RYR2: variants seen among roughly 807,000 people sequenced by gnomAD.
RYR2 encodes ryanodine receptor 2, also known as cardiac muscle ryanodine receptor-calcium release channel.
RYR2 carries 227 observed loss-of-function variants against 601.1 expected under a neutral mutation model. The ratio of observed to expected loss-of-function variants is 0.38; its 90% confidence interval spans 0.34 to 0.42. The LOEUF (loss-of-function observed/expected upper bound fraction) is 0.42. Ranked by LOEUF, RYR2 falls within the 10% of genes least tolerant of loss-of-function variation. The probability of loss-of-function intolerance (pLI) is 1.00; values close to 1 mark genes in which losing one functional copy is unlikely to be tolerated. For synonymous variants in RYR2, 2,223 were observed against 2,175.1 expected, an observed-to-expected ratio of 1.02 and a Z score of -0.61; for missense variants, 4,646 against 6,156.5, an observed-to-expected ratio of 0.75 and a Z score of 8.21.
rs2779431 is a variant in RYR2, at chr1:237,592,048, T to C, written c.4275+195T>C. ...TGATGGATATTATGCAATACAAGAG[T>C]TATTTTAGAAAAAATATTTGTAATG... On this transcript the variant is annotated intron_variant, in intron 32 of 104. Transcript: ENST00000366574. Among the ~76,000 whole-genome samples, 146,410 of 152,268 alleles carry C rather than the reference T, an allele frequency of 0.96. 70,642 individuals are homozygous for C. The highest frequency in any genetic ancestry group is 1 in the East Asian group (5,186 of 5,186).
At chr1:237,711,881 G>A in intron 71 of RYR2, 44 bp downstream of exon 71, 2 of 898,050 alleles carry the variant, frequency 2.2e-6, no homozygotes, top group East Asian at 2.5e-5. Flanking sequence ...ATATCTGAAT[G>A]TGACTTTCAT....
chr1:237,618,163 T>G (rs1018778922), intron 38 of RYR2, among the ~76,000 whole-genome samples: 1 of 152,182 alleles, frequency 6.6e-6, no homozygotes, highest in Non-Finnish European at 1.5e-5. Flanking sequence ...AGAATGAAAG[T>G]GTTTATAGGG....
chr1:237,498,736 C>T lies in RYR2; in HGVS notation c.2204-1975C>T, dbSNP rs1664331255. Among the ~76,000 whole-genome samples the T allele has an allele frequency of 2.0e-5, 3 of 152,016 alleles. No homozygotes were observed. The South Asian group carries it at 6.2e-4, about 31-fold the overall frequency. On this transcript the variant is annotated intron_variant, in intron 20 of 104. Coordinates refer to ENST00000366574, the MANE Select transcript of RYR2 (RefSeq NM_001035.3). ...TGGAATTGAATTGTATGCGTTATAC[C>T]TTTTATTACAAAGTATCTGTTCAGT...
intron 43 of RYR2, among the ~76,000 whole-genome samples, chr1:237,634,485 G>A (rs908608249): frequency 1.3e-5 from 2 of 152,068 alleles, no homozygotes; most frequent in Admixed American, 6.6e-5. Context: ...AGATGTTCAA[G>A]GATACAAAAT....
chr1:237,493,183 T>TATA, intron 19 of RYR2, 96 bp downstream of exon 19: 1 of 1,318,442 alleles, frequency 7.6e-7, no homozygotes, highest in South Asian at 1.3e-5. Context: ...GTTTTTTAAA[T>TATA]TAGACCATAT....
chr1:237,332,777 A>G (rs1039709642), intron 3 of RYR2, among the ~76,000 whole-genome samples: 2 of 152,204 alleles, frequency 1.3e-5, no homozygotes, highest in African/African-American at 4.8e-5. Flanking sequence ...TATCTTCTTC[A>G]AATCATGAGG....
chr1:237,805,879 A>T (rs1359147074), intron 98 of RYR2, among the ~76,000 whole-genome samples: 2 of 152,132 alleles, frequency 1.3e-5, no homozygotes, highest in Non-Finnish European at 2.9e-5. Context: ...GAACCCCAGA[A>T]CTTATTTTTT....
chr1:237,584,022 C>T (rs1388169532), intron 29 of RYR2, among the ~76,000 whole-genome samples: 2 of 152,228 alleles, frequency 1.3e-5, no homozygotes, highest in Non-Finnish European at 2.9e-5. Flanking sequence ...TGATTGGGCT[C>T]ATATGCACTA....
chr1:237,617,563 A>T, intron 38 of RYR2, 77 bp downstream of exon 38: 1 of 1,334,942 alleles, frequency 7.5e-7, no homozygotes, highest in Non-Finnish European at 1.1e-6. Flanking sequence ...GCAAAATTAT[A>T]TAACTCACAC....
At chr1:237,295,554 G>A (rs1195317950) in intron 2 of RYR2, among the ~76,000 whole-genome samples, 4 of 152,052 alleles carry the variant, frequency 2.6e-5, no homozygotes, top group South Asian at 2.1e-4. Flanking sequence ...CTTAATCACC[G>A]AAAATACAAC....
intron 5 of RYR2, among the ~76,000 whole-genome samples, chr1:237,366,850 G>A (rs934146707): frequency 1.3e-5 from 2 of 152,060 alleles, no homozygotes; most frequent in African/African-American, 4.8e-5. Context: ...TAAAGTTCAC[G>A]TGGATTTTAT....
Position 237,832,709 on chromosome 1 carries a change from C to T in RYR2, c.*62C>T, listed in dbSNP as rs895664488. 3 of 940,696 alleles carry T rather than the reference C, an allele frequency of 3.2e-6. No individual in the cohort carries two copies. Among genetic ancestry groups the T allele is most frequent in the Non-Finnish European group, 5.0e-6 (3 of 597,094 alleles). 58.3% of individuals were successfully genotyped at this position (940,696 alleles called of 1,614,324 possible). A position where few individuals can be genotyped will look rare whatever the true frequency, so the allele number is the denominator to read the frequency against. On this transcript the variant is annotated 3_prime_UTR_variant, in exon 105 of 105. Coordinates refer to ENST00000366574, the MANE Select transcript of RYR2 (RefSeq NM_001035.3). ...CCCCTCTCTCTCCCTCTCTCAATTT[C>T]TCTGCTCTCTTGGAAACATTTTGCT...
chr1:237,812,684 C>G (rs1661373686), intron 100 of RYR2, among the ~76,000 whole-genome samples: 1 of 152,114 alleles, frequency 6.6e-6, no homozygotes, highest in Admixed American at 6.6e-5. Flanking sequence ...CATAAGTTGT[C>G]ATGACTGAGA....
intron 84 of RYR2, among the ~76,000 whole-genome samples, chr1:237,767,407 G>A (rs1162614462): frequency 6.6e-6 from 1 of 152,060 alleles, no homozygotes; most frequent in East Asian, 1.9e-4. Flanking sequence ...CTTCAGGTTC[G>A]AGATTATGTT....
chr1:237,086,468 TAACCCTTCTTGTCTCAGTGGACAA>T (rs1666343151), intron 1 of RYR2, among the ~76,000 whole-genome samples: 2 of 152,292 alleles, frequency 1.3e-5, no homozygotes, highest in Admixed American at 6.5e-5. Flanking sequence ...ATTCAGTCCT[TAACCCTTCTTGTCTCAGTGGACAA>T]GATTTTTGAA....
intron 17 of RYR2, 53 bp downstream of exon 17, chr1:237,469,240 G>C: frequency 3.7e-6 from 2 of 537,668 alleles, no homozygotes; most frequent in South Asian, 3.0e-5. Context: ...ATTTTTCTTT[G>C]CTTCGTATCC....
intron 63 of RYR2, among the ~76,000 whole-genome samples, chr1:237,697,457 ATT>A (rs930901599): frequency 1.4e-5 from 2 of 143,446 alleles, no homozygotes; most frequent in Admixed American, 1.4e-4. Flanking sequence ...GTAAATATAT[ATT>A]ATATGATATA....
chr1:237,756,711 G>A (rs72753209), intron 81 of RYR2, among the ~76,000 whole-genome samples: 29,484 of 152,082 alleles, frequency 0.19, 3,343 homozygotes, highest in Middle Eastern at 0.29. Context: ...GAGTCAATAT[G>A]TTCAGCTTCG....
chr1:237,457,384 ACCT>A (rs1381495046), intron 16 of RYR2, among the ~76,000 whole-genome samples: 39 of 151,690 alleles, frequency 2.6e-4, no homozygotes, highest in Admixed American at 6.6e-5. Context: ...ATTATTTTTG[ACCT>A]CCTGTAGCTT....
Sources: allele counts gnomAD v4.1 joint callset (sites outside exome capture counted in the v4.1 genomes callset), GRCh38; gene constraint gnomAD v4.1.1; transcripts MANE v1.5; gene names NCBI Gene and HGNC (gene_info 2026-07-23, HGNC 2026-07-21).